TSPEAR: variants seen among roughly 807,000 people sequenced by gnomAD.
The protein encoded by TSPEAR is thrombospondin-type laminin G domain and EAR repeat-containing protein.
In TSPEAR, 69 loss-of-function variants were observed where a neutral mutation model predicts 71.6. That is an observed-to-expected ratio of 0.96 (90% confidence interval 0.79 to 1.18). TSPEAR has a LOEUF of 1.18. Among genes scored for constraint, TSPEAR ranks in the 50% most tolerant of loss-of-function variants. The probability of loss-of-function intolerance (pLI) is 0.00; values close to 1 mark genes in which losing one functional copy is unlikely to be tolerated. For missense variants in TSPEAR, 971 were observed against 894.9 expected (o/e 1.09, Z -1.09); for synonymous variants, 402 against 387.2 (o/e 1.04, Z -0.45).
intron 1 of TSPEAR, chr21:44,681,609 T>TGG (rs1301106364): frequency 1.9e-6 from 1 of 530,206 alleles, no homozygotes; most frequent in Non-Finnish European, 3.3e-6. Flanking sequence ...TTGACTCTCA[T>TGG]GGGGTCAGAG....
chr21:44,509,116 T>A, intron 10 of TSPEAR, 83 bp downstream of exon 10: 3 of 1,468,308 alleles, frequency 2.0e-6, no homozygotes, highest in Non-Finnish European at 2.8e-6. Flanking sequence ...GGAAGGGTGG[T>A]GAGGATGAGC....
intron 1 of TSPEAR, chr21:44,637,751 C>T (rs1404466696): frequency 3.0e-6 from 4 of 1,338,156 alleles, no homozygotes; most frequent in Non-Finnish European, 4.1e-6. Context: ...CTGTAACAAG[C>T]CTGTGTGCTT....
rs1458656267 is a variant in TSPEAR at position 44,521,793 on chromosome 21, A to AC, written c.1566+89dup. 5 of 1,252,326 alleles carry AC rather than the reference A, an allele frequency of 4.0e-6. No homozygotes were observed. In the African/African-American group the frequency reaches 7.6e-5, roughly 19 times the overall value. The allele number at this position is 1,252,326 out of a possible 1,614,324, so 77.6% of individuals were successfully genotyped here. A position where few individuals can be genotyped will look rare whatever the true frequency, so the allele number is the denominator to read the frequency against. On this transcript the variant is annotated intron_variant, in intron 9 of 11. Coordinates refer to ENST00000323084, the MANE Select transcript of TSPEAR (RefSeq NM_144991.3). ...CAGCACTAGGTTTGGCTCTCGGTGG[A>AC]CCCCCAGCCCACATCACCTGTCCAG...
chr21:44,617,962 C>A (rs1352304930), intron 1 of TSPEAR, among the ~76,000 whole-genome samples: 1 of 152,188 alleles, frequency 6.6e-6, no homozygotes, highest in Non-Finnish European at 1.5e-5. Context: ...GAAATACCCT[C>A]AAAAAGAGTG....
At chr21:44,656,231 C>T (rs1461602862) in intron 1 of TSPEAR, among the ~76,000 whole-genome samples, 3 of 152,200 alleles carry the variant, frequency 2.0e-5, no homozygotes, top group Admixed American at 6.5e-5. Flanking sequence ...AACAAGGATG[C>T]GTCTTTGATA....
chr21:44,635,488 G>C (rs76297078), intron 1 of TSPEAR, among the ~76,000 whole-genome samples: 5 of 151,950 alleles, frequency 3.3e-5, no homozygotes, highest in African/African-American at 1.2e-4. Context: ...ATTCAGCCAA[G>C]AAAAGGAATG....
intron 1 of TSPEAR, chr21:44,658,165 C>T (rs2146262114): frequency 6.2e-6 from 10 of 1,614,168 alleles, no homozygotes; most frequent in South Asian, 1.1e-5. Context: ...GCTGCAGGCC[C>T]ATCATATATG....
Position 44,612,855 on chromosome 21 carries a change from C to G in TSPEAR, c.83-44850G>C. 1 of 1,612,276 alleles carries G rather than the reference C, an allele frequency of 6.2e-7. No individual in the cohort carries two copies. Among genetic ancestry groups the G allele is most frequent in the East Asian group, 2.2e-5 (1 of 44,864 alleles). ...TCCTGCCTGTCCTTCCTCTGCCGCC[C>G]CGCGTGCTCCCGCCTGGCCTGCTGA... On this transcript the variant is annotated intron_variant, in intron 1 of 11. Transcript: ENST00000323084. The surrounding 1 kb of genome is among the most constrained non-coding windows in gnomAD (Gnocchi z 4.1).
At chr21:44,639,261 A>T (rs1295709087) in intron 1 of TSPEAR, among the ~76,000 whole-genome samples, 2 of 151,794 alleles carry the variant, frequency 1.3e-5, no homozygotes, top group Admixed American at 6.6e-5. Flanking sequence ...CCTCCGTCCC[A>T]GATGCCACGT....
chr21:44,509,026 AGTCCCCAGGCCATTCTTTCCACAGGAAG>A lies in TSPEAR; in HGVS notation c.1754+145_1754+172del, dbSNP rs879970586. ...GGCACTGACTTCCCCAGGCCAGGAA[AGTCCCCAGGCCATTCTTTCCACAGGAAG>A]GTCCCCAGGCCATTCTTTCCACAGG... On this transcript the variant is annotated intron_variant, in intron 10 of 11. Coordinates refer to ENST00000323084, the MANE Select transcript of TSPEAR (RefSeq NM_144991.3). 7.8e-3 allele frequency: 11,345 copies of A among 1,451,302 alleles called. 115 individuals carry two copies. The highest frequency in any genetic ancestry group is 0.022 in the African/African-American group (1,557 of 69,396). 89.9% of individuals were successfully genotyped at this position (1,451,302 alleles called of 1,614,324 possible). A position where few individuals can be genotyped will look rare whatever the true frequency, so the allele number is the denominator to read the frequency against.
At position 44,697,911 on chromosome 21, in the gene TSPEAR, G is replaced by A. The variant is rs201942222; in HGVS notation, c.82+13522C>T. 1.5e-3 allele frequency: 2,352 copies of A among 1,612,080 alleles called. 5 individuals carry two copies. The highest frequency in any genetic ancestry group is 1.9e-3 in the Non-Finnish European group (2,230 of 1,179,112). ...GCCTCCTGCGGGTCCCTCCTCTGCC[G>A]CCCCACATGTTCCCGCCTGGCCTGC... On this transcript the variant is annotated intron_variant, in intron 1 of 11. Transcript: ENST00000323084.
At chr21:44,536,933 T>C (rs2053099900) in intron 2 of TSPEAR, among the ~76,000 whole-genome samples, 1 of 152,182 alleles carries the variant, frequency 6.6e-6, no homozygotes, top group South Asian at 2.1e-4. Context: ...GACAACATAA[T>C]AGAAAACTGT....
chr21:44,531,452 A>G (rs782595518), intron 3 of TSPEAR, among the ~76,000 whole-genome samples: 26 of 152,272 alleles, frequency 1.7e-4, no homozygotes, highest in Middle Eastern at 3.4e-3. Flanking sequence ...TCTCCTGGTA[A>G]GGATCCTAGT....
chr21:44,558,753 G>C (rs782392577), intron 2 of TSPEAR: 1 of 1,570,092 alleles, frequency 6.4e-7, no homozygotes, highest in Non-Finnish European at 8.6e-7. Flanking sequence ...GGAGACGTGA[G>C]TGAGTGAGTG....
rs1261136177 is a variant in TSPEAR at position 44,711,568 on chromosome 21, T to C, written c.-54A>G. The C allele has an allele frequency of 5.1e-6, 8 of 1,555,872 alleles. No individual in the cohort carries two copies. The African/African-American group carries it at 1.1e-4, about 21-fold the overall frequency. ...GGGCTCCGCTCAGCCTGCAGGGAAGTGGCTGCTCCTCAGACGTCTGCGTCA... is the reference window on the plus strand; with the variant it reads ...GGGCTCCGCTCAGCCTGCAGGGAAGCGGCTGCTCCTCAGACGTCTGCGTCA... On this transcript the variant is annotated 5_prime_UTR_variant, in exon 1 of 12. Transcript: ENST00000323084. This position sits in a 1 kb window ranked among gnomAD's most constrained non-coding sequence, Gnocchi z 4.5.
Position 44,533,882 on chromosome 21 carries a change from G to T in TSPEAR, c.345C>A (p.Asp115Glu). The T allele has an allele frequency of 6.8e-6, 11 of 1,612,120 alleles. No homozygotes were observed. The South Asian group carries it at 1.1e-4, about 16-fold the overall frequency. The change falls in exon 3 of 12, where the codon GAC (aspartate) becomes GAA (glutamate). Residue 115 changes from aspartate (D) to glutamate (E), a missense_variant. Asp to Glu is a conservative substitution (Grantham distance 45). Coordinates refer to ENST00000323084, the MANE Select transcript of TSPEAR (RefSeq NM_144991.3). ...ACAACCGCAGGCCGAGCAGCAGCAG[G>T]TCGCTCTCCTCTGCCACCACCGTCA... The part of the protein sequence containing the change: ...YLLTVVAEES[D>E]LLLLGLRLSP...
At chr21:44,684,590 G>C (rs1215980420) in intron 1 of TSPEAR, among the ~76,000 whole-genome samples, 1 of 152,218 alleles carries the variant, frequency 6.6e-6, no homozygotes, top group Non-Finnish European at 1.5e-5. Context: ...CAAAAGCTGG[G>C]AGAAATCCTC....
chr21:44,616,125 C>G (rs1249429091), intron 1 of TSPEAR, among the ~76,000 whole-genome samples: 1 of 152,176 alleles, frequency 6.6e-6, no homozygotes, highest in Non-Finnish European at 1.5e-5. Context: ...AGCGGGGCTT[C>G]CTATGTGTCA....
At chr21:44,568,126 T>G in intron 1 of TSPEAR, 121 bp from the exon 2 acceptor site, 1 of 620,032 alleles carries the variant, frequency 1.6e-6, no homozygotes, top group Non-Finnish European at 2.4e-6. Flanking sequence ...ATAGCCCCTA[T>G]GAGCTGTGAA....
Sources: gnomAD v4.1 joint callset for allele counts (sites outside exome capture counted in the v4.1 genomes callset) on GRCh38, gnomAD v4.1.1 for gene constraint, Gnocchi (gnomAD v3.1) non-coding constraint, MANE v1.5 for transcripts, NCBI Gene and HGNC (gene_info 2026-07-23, HGNC 2026-07-21) for gene names.